WDR59: variants seen among roughly 807,000 people sequenced by gnomAD.
WDR59 encodes the protein WD repeat domain 59.
Under a neutral mutation model 131.2 loss-of-function variants are expected in WDR59, and 100 were observed. The observed-to-expected ratio is 0.76, with a 90% CI of 0.65 to 0.90. WDR59 has a LOEUF of 0.90. WDR59 is among the 40% of genes least tolerant of loss of function. The pLI is 0.00. For missense variants in WDR59, 1,203 were observed against 1,262.2 expected (o/e 0.95, Z 0.71); for synonymous variants, 601 against 466.2 (o/e 1.29, Z -3.72).
At chr16:74,929,561 A>G (rs1156861354) in intron 8 of WDR59, among the ~76,000 whole-genome samples, 1 of 152,218 alleles carries the variant, frequency 6.6e-6, no homozygotes, top group Non-Finnish European at 1.5e-5. Context: ...AGAAAAGGGA[A>G]TTCTCATACA....
At chr16:74,973,833 C>T (rs2034081569) in intron 1 of WDR59, among the ~76,000 whole-genome samples, 1 of 152,098 alleles carries the variant, frequency 6.6e-6, no homozygotes, top group African/African-American at 2.4e-5. Context: ...GTCAAGAGTT[C>T]AAGACCAGCC....
At chr16:74,908,832 T>C (rs912714158) in intron 17 of WDR59, 76 bp downstream of exon 17, 1 of 1,251,956 alleles carries the variant, frequency 8.0e-7, no homozygotes, top group African/African-American at 1.5e-5. Context: ...AAAAGCAAAC[T>C]CAGTGGTCCT....
At chr16:74,965,529 C>T (rs558405011) in intron 2 of WDR59, among the ~76,000 whole-genome samples, 1 of 152,230 alleles carries the variant, frequency 6.6e-6, no homozygotes, top group Admixed American at 6.5e-5. Context: ...CAGAAAACTG[C>T]AATTTCAAGT....
At chr16:74,924,095 T>C (rs2030538054) in intron 8 of WDR59, 92 bp from the exon 9 acceptor site, 1 of 1,257,328 alleles carries the variant, frequency 8.0e-7, no homozygotes, top group Admixed American at 2.0e-5. Flanking sequence ...TTGCTTCTGG[T>C]CCTCTAAAGA....
At chr16:74,899,398 T>C (rs1395842531) in intron 18 of WDR59, among the ~76,000 whole-genome samples, 1 of 152,182 alleles carries the variant, frequency 6.6e-6, no homozygotes, top group East Asian at 1.9e-4. Flanking sequence ...CCAAGTGAAA[T>C]TGGGTAAGCT....
intron 14 of WDR59, among the ~76,000 whole-genome samples, chr16:74,910,179 G>C (rs886939708): frequency 6.6e-6 from 1 of 151,996 alleles, no homozygotes; most frequent in East Asian, 1.9e-4. Flanking sequence ...TGTTGGCCAG[G>C]CTGGTCTCGA....
At chr16:74,948,770 G>T (rs1012480672) in intron 5 of WDR59, among the ~76,000 whole-genome samples, 2 of 152,144 alleles carry the variant, frequency 1.3e-5, no homozygotes, top group African/African-American at 4.8e-5. Flanking sequence ...AGGAGGCTAA[G>T]GTGGGCGGAT....
At chr16:74,919,159 A>G (rs1393270802) in intron 10 of WDR59, among the ~76,000 whole-genome samples, 1 of 151,904 alleles carries the variant, frequency 6.6e-6, no homozygotes, top group Non-Finnish European at 1.5e-5. Flanking sequence ...ACTCCCTTGT[A>G]TCTTCTCCCT....
chr16:74,912,492 G>T, intron 13 of WDR59, 130 bp from the exon 14 acceptor site: 3 of 946,090 alleles, frequency 3.2e-6, no homozygotes, highest in Non-Finnish European at 4.5e-6. Flanking sequence ...AGACAAATGT[G>T]TGTGGAAGAC....
At chr16:74,930,023 C>T (rs1249711152) in intron 8 of WDR59, among the ~76,000 whole-genome samples, 1 of 152,046 alleles carries the variant, frequency 6.6e-6, no homozygotes, top group Non-Finnish European at 1.5e-5. Context: ...TGATGGTTAC[C>T]AGAGGCTGGG....
intron 2 of WDR59, among the ~76,000 whole-genome samples, chr16:74,960,902 T>C (rs1034225926): frequency 6.6e-6 from 1 of 152,140 alleles, no homozygotes; most frequent in African/African-American, 2.4e-5. Context: ...AAAAAATTTC[T>C]GTATCTTAAT....
intron 1 of WDR59, 67 bp from the exon 2 acceptor site, chr16:74,965,889 T>A: frequency 1.3e-6 from 2 of 1,563,558 alleles, no homozygotes; most frequent in Non-Finnish European, 1.8e-6. Flanking sequence ...CAGAGGTCTC[T>A]GTGGCTCTTC....
chr16:74,949,849 C>G, intron 4 of WDR59, 51 bp from the exon 5 acceptor site: 1 of 1,567,948 alleles, frequency 6.4e-7, no homozygotes, highest in Non-Finnish European at 8.7e-7. Context: ...AATTCAGAGT[C>G]CAGGTCCAAA....
In WDR59 at chr16:74,871,434, G is replaced by A. The variant is rs1964011211; in HGVS notation, c.*2775C>T. ...TGGCCCGCAACCAGACAACCAACCT[G>A]TTTCCAAACATGAATATTTTAAAAT... On this transcript the variant is annotated 3_prime_UTR_variant, in exon 26 of 26. Coordinates refer to ENST00000262144, the MANE Select transcript of WDR59 (RefSeq NM_030581.4). 6.6e-6 allele frequency: 1 copy of A among 152,258 alleles called. No individual in the cohort carries two copies. Among genetic ancestry groups the A allele is most frequent in the South Asian group, 2.1e-4 (1 of 4,826 alleles). The allele number at this position is 152,258 out of a possible 1,614,324, so 9.4% of individuals were successfully genotyped here.
chr16:74,944,481 A>G (rs1056442785), intron 6 of WDR59, among the ~76,000 whole-genome samples: 16 of 151,254 alleles, frequency 1.1e-4, no homozygotes, highest in Non-Finnish European at 1.8e-4. Flanking sequence ...AAAAAAAAAA[A>G]TCATTACACC....
Position 74,951,464 on chromosome 16 carries a change from A to ACACGAG in WDR59, c.314_319dup (p.Arg106_Val107insAlaArg), listed in dbSNP as rs1399595542. 1.9e-6 allele frequency: 3 copies of ACACGAG among 1,597,566 alleles called. No homozygotes were observed. The highest frequency in any genetic ancestry group is 2.6e-6 in the Non-Finnish European group (3 of 1,172,554). On this transcript the variant is annotated inframe_insertion, in exon 4 of 26. Transcript: ENST00000262144. ...GTGGAGGGCTGGTGCCTACCTGATGACACGAGTGTGGCCTTGTAAGGTTGT... is the reference window on the plus strand; with the variant it reads ...GTGGAGGGCTGGTGCCTACCTGATGACACGAGCACGAGTGTGGCCTTGTAAGGTTGT...
chr16:74,878,760 G>C (rs1964337518), intron 25 of WDR59, among the ~76,000 whole-genome samples: 1 of 152,218 alleles, frequency 6.6e-6, no homozygotes, highest in African/African-American at 2.4e-5. Flanking sequence ...CTGGAGATTT[G>C]TCAACGTCCT....
At chr16:74,971,623 G>A (rs59305313) in intron 1 of WDR59, among the ~76,000 whole-genome samples, 4 of 151,290 alleles carry the variant, frequency 2.6e-5, no homozygotes, top group African/African-American at 9.7e-5. Flanking sequence ...AATAGAGATG[G>A]GGTTTCACCA....
At chr16:74,906,097 G>A (rs1167485956) in intron 17 of WDR59, among the ~76,000 whole-genome samples, 2 of 151,722 alleles carry the variant, frequency 1.3e-5, no homozygotes, top group Non-Finnish European at 2.9e-5. Flanking sequence ...GGCAGATCAC[G>A]AGGTCAGCAG....
Sources: gnomAD v4.1 joint callset for allele counts (sites outside exome capture counted in the v4.1 genomes callset) on GRCh38, gnomAD v4.1.1 for gene constraint, MANE v1.5 for transcripts, NCBI Gene and HGNC (gene_info 2026-07-23, HGNC 2026-07-21) for gene names.